Variants in SLC9A9 observed in about 807,000 individuals in gnomAD.
The protein encoded by SLC9A9 is solute carrier family 9 member A9, also known as sodium/hydrogen exchanger 9.
A neutral mutation model predicts 77.8 loss-of-function variants in SLC9A9; 62 were observed. The observed-to-expected ratio is 0.80, with a 90% confidence interval of 0.65 to 0.98. SLC9A9 has a LOEUF of 0.98. SLC9A9 is among the 50% of genes least tolerant of loss of function. The pLI, the probability that SLC9A9 is intolerant of heterozygous loss-of-function variation, is 0.00. For missense variants in SLC9A9, 775 were observed against 774.9 expected (o/e 1.00, Z 0.00); for synonymous variants, 320 against 283.5 (o/e 1.13, Z -1.29).
chr3:143,790,982 C>CAGCTGACAACCT (rs1253470420), intron 4 of SLC9A9, among the ~76,000 whole-genome samples: 3 of 152,162 alleles, frequency 2.0e-5, no homozygotes, highest in Non-Finnish European at 4.4e-5. Context: ...TATGTGCTGA[C>CAGCTGACAACCT]AGTGAGCTTC....
intron 4 of SLC9A9, among the ~76,000 whole-genome samples, chr3:143,791,250 C>T (rs1473546945): frequency 3.9e-5 from 6 of 152,180 alleles, no homozygotes; most frequent in African/African-American, 1.2e-4. Context: ...AACTTTCTTG[C>T]CAGAAGGAAT....
At chr3:143,819,312 T>C (rs2009108937) in intron 2 of SLC9A9, among the ~76,000 whole-genome samples, 1 of 152,198 alleles carries the variant, frequency 6.6e-6, no homozygotes, top group Non-Finnish European at 1.5e-5. Flanking sequence ...AATTGACAGA[T>C]AGAAACACTG....
At chr3:143,419,586 A>T (rs1436704070) in intron 12 of SLC9A9, among the ~76,000 whole-genome samples, 1 of 152,114 alleles carries the variant, frequency 6.6e-6, no homozygotes, top group Non-Finnish European at 1.5e-5. Context: ...AATTACCAGT[A>T]CCATCCATCC....
At chr3:143,452,263 C>T (rs2035020599) in intron 12 of SLC9A9, among the ~76,000 whole-genome samples, 1 of 152,022 alleles carries the variant, frequency 6.6e-6, no homozygotes, top group Non-Finnish European at 1.5e-5. Flanking sequence ...GGTGGAACAA[C>T]CTGACCTCAT....
chr3:143,774,165 A>T (rs1314651033), intron 4 of SLC9A9, among the ~76,000 whole-genome samples: 5 of 152,236 alleles, frequency 3.3e-5, no homozygotes, highest in Non-Finnish European at 5.9e-5. Context: ...ACTACGTAGC[A>T]TCCATATAAT....
chr3:143,732,148 T>A (rs1042718417), intron 4 of SLC9A9, among the ~76,000 whole-genome samples: 1 of 152,240 alleles, frequency 6.6e-6, no homozygotes, highest in Non-Finnish European at 1.5e-5. Context: ...ATTCAGAGGA[T>A]GAACTTGATG....
chr3:143,719,173 T>A (rs1161867576), intron 4 of SLC9A9, among the ~76,000 whole-genome samples: 1 of 152,168 alleles, frequency 6.6e-6, no homozygotes, highest in Non-Finnish European at 1.5e-5. Flanking sequence ...AGGGCTCAGG[T>A]TTTCCTTGTG....
intron 2 of SLC9A9, among the ~76,000 whole-genome samples, chr3:143,813,586 A>G (rs746445598): frequency 1.2e-4 from 19 of 152,150 alleles, no homozygotes; most frequent in Non-Finnish European, 2.4e-4. Flanking sequence ...ATGGAGGCCA[A>G]TTCTGTCCAG....
At chr3:143,348,756 A>G (rs1410637818) in intron 14 of SLC9A9, among the ~76,000 whole-genome samples, 1 of 152,246 alleles carries the variant, frequency 6.6e-6, no homozygotes, top group African/African-American at 2.4e-5. Context: ...AGAATACCAT[A>G]TGAGAATCAT....
intron 11 of SLC9A9, among the ~76,000 whole-genome samples, chr3:143,487,385 T>C (rs998176962): frequency 2.0e-5 from 3 of 151,650 alleles, no homozygotes; most frequent in Admixed American, 6.6e-5. Flanking sequence ...AGAATGTAAG[T>C]AAGGGAATAG....
chr3:143,837,529 T>C (rs2009597796), intron 1 of SLC9A9, among the ~76,000 whole-genome samples: 1 of 152,188 alleles, frequency 6.6e-6, no homozygotes, highest in South Asian at 2.1e-4. Context: ...TCAAACCATG[T>C]AATATTATAT....
At chr3:143,317,357 C>G (rs1230648967) in intron 14 of SLC9A9, among the ~76,000 whole-genome samples, 1 of 152,156 alleles carries the variant, frequency 6.6e-6, no homozygotes, top group East Asian at 1.9e-4. Flanking sequence ...GGCAACAGCC[C>G]TCCCAGGAGC....
chr3:143,546,381 AG>A (rs1295081108), intron 9 of SLC9A9, among the ~76,000 whole-genome samples: 22 of 152,346 alleles, frequency 1.4e-4, no homozygotes, highest in African/African-American at 5.3e-4. Flanking sequence ...TGCTAGACAA[AG>A]AATCTGGCTT....
intron 9 of SLC9A9, among the ~76,000 whole-genome samples, chr3:143,521,956 C>T (rs1227811696): frequency 1.3e-5 from 2 of 152,006 alleles, no homozygotes; most frequent in Admixed American, 6.6e-5. Context: ...ATTGTGAGCT[C>T]GTGTTGGTGG....
intron 5 of SLC9A9, among the ~76,000 whole-genome samples, chr3:143,682,955 C>T (rs962447199): frequency 1.3e-5 from 2 of 152,028 alleles, no homozygotes; most frequent in Admixed American, 6.6e-5. Flanking sequence ...CTTGTAAATC[C>T]CTTTTTGCTA....
intron 12 of SLC9A9, among the ~76,000 whole-genome samples, chr3:143,460,442 G>T (rs959488679): frequency 1.3e-5 from 2 of 150,698 alleles, no homozygotes; most frequent in African/African-American, 2.4e-5. Flanking sequence ...TTTTTCAAAC[G>T]TTGGCTGTTA....
chr3:143,375,640 C>T (rs2033166775), intron 13 of SLC9A9, among the ~76,000 whole-genome samples: 1 of 152,200 alleles, frequency 6.6e-6, no homozygotes, highest in Non-Finnish European at 1.5e-5. Context: ...CAACTCCAGA[C>T]ACATGAGCAA....
At chr3:143,394,106 C>G (rs994741392) in intron 12 of SLC9A9, among the ~76,000 whole-genome samples, 1 of 152,170 alleles carries the variant, frequency 6.6e-6, no homozygotes, top group Non-Finnish European at 1.5e-5. Context: ...TTTTATGAGG[C>G]CAGCATCATC....
At chr3:143,647,992 T>C (rs2038732418) in intron 6 of SLC9A9, among the ~76,000 whole-genome samples, 1 of 152,174 alleles carries the variant, frequency 6.6e-6, no homozygotes, top group Non-Finnish European at 1.5e-5. Context: ...AGCAGACTTA[T>C]CTTTAGTAAT....
Sources: gnomAD v4.1 joint callset for allele counts (sites outside exome capture counted in the v4.1 genomes callset) on GRCh38, gnomAD v4.1.1 for gene constraint, MANE v1.5 for transcripts, NCBI Gene and HGNC (gene_info 2026-07-23, HGNC 2026-07-21) for gene names.